SNX29: variants seen among roughly 807,000 people sequenced by gnomAD.
SNX29 encodes the protein sorting nexin-29.
A neutral mutation model predicts 102.1 loss-of-function variants in SNX29; 78 were observed. The observed-to-expected ratio is 0.76, with a 90% CI of 0.64 to 0.92. The LOEUF (loss-of-function observed/expected upper bound fraction) is 0.92, where lower values mean the gene tolerates loss of function less well. Ranked by LOEUF, SNX29 falls within the 40% of genes least tolerant of loss-of-function variation. The pLI, the probability that SNX29 is intolerant of heterozygous loss-of-function variation, is 0.00. For missense variants in SNX29, 1,280 were observed against 1,061.7 expected (o/e 1.21, Z -2.86); for synonymous variants, 580 against 414.5 (o/e 1.40, Z -4.85).
intron 13 of SNX29, among the ~76,000 whole-genome samples, chr16:12,197,822 C>T (rs1383925778): frequency 6.6e-6 from 1 of 151,688 alleles, no homozygotes; most frequent in Non-Finnish European, 1.5e-5. Context: ...TCAGGTGATG[C>T]CTGAGTCTAT....
At chr16:12,536,840 G>A (rs576186170) in intron 20 of SNX29, among the ~76,000 whole-genome samples, 1 of 152,114 alleles carries the variant, frequency 6.6e-6, no homozygotes, top group African/African-American at 2.4e-5. Flanking sequence ...GCCAGGCATG[G>A]TGGTGCACAC....
intron 3 of SNX29, among the ~76,000 whole-genome samples, chr16:12,009,103 G>C (rs1476541089): frequency 6.6e-6 from 1 of 152,126 alleles, no homozygotes; most frequent in Non-Finnish European, 1.5e-5. Context: ...ATTTACAACT[G>C]TGATGGAGCT....
At chr16:12,046,036 G>T (rs2050074936) in intron 5 of SNX29, among the ~76,000 whole-genome samples, 1 of 152,192 alleles carries the variant, frequency 6.6e-6, no homozygotes, top group African/African-American at 2.4e-5. Context: ...CTGTTGGCAG[G>T]CTTGGATTTC....
At chr16:12,352,281 C>G (rs1271361058) in intron 15 of SNX29, among the ~76,000 whole-genome samples, 38 of 152,020 alleles carry the variant, frequency 2.5e-4, no homozygotes, top group Admixed American at 2.5e-3. Context: ...AAACCAAACA[C>G]CGCATGTTCT....
intron 13 of SNX29, among the ~76,000 whole-genome samples, chr16:12,191,008 C>CT (rs1049372946): frequency 6.6e-6 from 1 of 151,494 alleles, no homozygotes; most frequent in African/African-American, 2.4e-5. Context: ...CGGTCCCCAA[C>CT]TTTTTTGGCA....
chr16:12,183,027 A>C (rs2076426395), intron 13 of SNX29, among the ~76,000 whole-genome samples: 1 of 151,826 alleles, frequency 6.6e-6, no homozygotes, highest in South Asian at 2.1e-4. Flanking sequence ...GGGTAGAGAC[A>C]GGGTCTCACT....
At chr16:12,513,347 T>TGA (rs202094509) in intron 19 of SNX29, among the ~76,000 whole-genome samples, 1 of 148,252 alleles carries the variant, frequency 6.7e-6, no homozygotes, top group Non-Finnish European at 1.5e-5. Context: ...TGCCCTGCCC[T>TGA]GCTCTCTTCT....
In SNX29 at chr16:12,573,433, A is replaced by G. The variant is rs1043920034; in HGVS notation, c.*4804A>G. ...GTGAAAAAGAAATCTGGCTTCCTTA[A>G]TAAGATAGTTGAGCCTATGACATTA... On this transcript the variant is annotated 3_prime_UTR_variant, in exon 21 of 21. Transcript: ENST00000566228. 10 of 223,402 alleles carry G rather than the reference A, an allele frequency of 4.5e-5. No homozygotes were observed. The highest frequency in any genetic ancestry group is 1.6e-4 in the African/African-American group (7 of 44,632). 13.8% of individuals were successfully genotyped at this position (223,402 alleles called of 1,614,324 possible). A position where few individuals can be genotyped will look rare whatever the true frequency, so the allele number is the denominator to read the frequency against.
chr16:12,143,151 C>A (rs529391319), intron 13 of SNX29, among the ~76,000 whole-genome samples: 21 of 152,126 alleles, frequency 1.4e-4, no homozygotes, highest in African/African-American at 4.1e-4. Context: ...GCATGCGCCA[C>A]CATGCCCGGC....
At chr16:12,537,749 A>C (rs1025962763) in intron 20 of SNX29, among the ~76,000 whole-genome samples, 1 of 152,166 alleles carries the variant, frequency 6.6e-6, no homozygotes, top group African/African-American at 2.4e-5. Flanking sequence ...AATGACCTCT[A>C]TCCTATGTGG....
intron 1 of SNX29, among the ~76,000 whole-genome samples, chr16:11,986,291 G>A (rs536332443): frequency 1.3e-5 from 2 of 150,330 alleles, no homozygotes; most frequent in Admixed American, 6.7e-5. Flanking sequence ...CGCTTCCTCC[G>A]AGGAGGGAAA....
At chr16:12,013,263 A>G (rs553127641) in intron 3 of SNX29, among the ~76,000 whole-genome samples, 1 of 151,674 alleles carries the variant, frequency 6.6e-6, no homozygotes, top group South Asian at 2.1e-4. Flanking sequence ...GAAATTCACT[A>G]GTAGTCAAGG....
intron 14 of SNX29, among the ~76,000 whole-genome samples, chr16:12,201,927 C>A (rs7198509): frequency 1.6e-4 from 25 of 152,260 alleles, no homozygotes; most frequent in African/African-American, 5.8e-4. Context: ...CCCATTCTCC[C>A]CAAATGGGCC....
intron 20 of SNX29, among the ~76,000 whole-genome samples, chr16:12,544,745 G>C (rs1353975533): frequency 6.6e-6 from 1 of 152,200 alleles, no homozygotes; most frequent in Non-Finnish European, 1.5e-5. Context: ...CCAGAGAGGT[G>C]AAGGGACGTG....
chr16:12,025,601 C>T (rs1176428620), intron 3 of SNX29, among the ~76,000 whole-genome samples: 2 of 152,180 alleles, frequency 1.3e-5, no homozygotes, highest in Admixed American at 6.5e-5. Context: ...GCCTAATAGG[C>T]TCCCTTCTGT....
At chr16:12,126,814 ATTTC>A in intron 12 of SNX29, 118 bp downstream of exon 12, 1 of 1,051,984 alleles carries the variant, frequency 9.5e-7, no homozygotes, top group Non-Finnish European at 1.4e-6. Context: ...GTGACTGGCT[ATTTC>A]TTATCGTCAG....
intron 14 of SNX29, among the ~76,000 whole-genome samples, chr16:12,253,528 T>C (rs1393759154): frequency 2.0e-5 from 3 of 152,010 alleles, no homozygotes; most frequent in Non-Finnish European, 2.9e-5. Context: ...GGATGAACTT[T>C]GTTGAGAAGG....
At chr16:12,448,975 T>A (rs1456201212) in intron 18 of SNX29, among the ~76,000 whole-genome samples, 3 of 152,230 alleles carry the variant, frequency 2.0e-5, no homozygotes, top group Non-Finnish European at 2.9e-5. Context: ...GAAGAGTTGC[T>A]GGCTGCAGGG....
chr16:12,163,472 C>T (rs928549071), intron 13 of SNX29, among the ~76,000 whole-genome samples: 3 of 152,162 alleles, frequency 2.0e-5, no homozygotes, highest in Non-Finnish European at 4.4e-5. Flanking sequence ...CAGAGGCCTG[C>T]ACACCATGCC....
Sources: allele counts gnomAD v4.1 joint callset (sites outside exome capture counted in the v4.1 genomes callset), GRCh38; gene constraint gnomAD v4.1.1; transcripts MANE v1.5; gene names NCBI Gene and HGNC (gene_info 2026-07-23, HGNC 2026-07-21).